The following CBX3 variants were observed in gnomAD, a reference collection of about 807,000 sequenced individuals.
The protein encoded by CBX3 is chromobox 3.
A neutral mutation model predicts 22.6 loss-of-function variants in CBX3; 5 were observed. That is an observed-to-expected ratio of 0.22 (90% CI 0.12 to 0.47). The LOEUF (loss-of-function observed/expected upper bound fraction) is 0.47, where lower values mean the gene tolerates loss of function less well. Among genes scored for constraint, CBX3 ranks in the 20% least tolerant of loss-of-function variants. CBX3 has a pLI of 0.99. For missense variants in CBX3, 83 were observed against 208.1 expected, an observed-to-expected ratio of 0.40 and a Z score of 3.70; for synonymous variants, 50 against 66.6, an observed-to-expected ratio of 0.75 and a Z score of 1.21.
intron 5 of CBX3, 22 bp from the exon 6 acceptor site, chr7:26,212,060 A>G: frequency 6.7e-7 from 1 of 1,495,854 alleles, no homozygotes; most frequent in Non-Finnish European, 8.9e-7. Context: ...TTGTAACTGA[A>G]TTTTTCTTTT....
chr7:26,206,063 C>G (rs774365886), intron 2 of CBX3: 11 of 249,520 alleles, frequency 4.4e-5, no homozygotes, highest in Non-Finnish European at 8.5e-5. Context: ...GCACTCCAGC[C>G]TGGGCGACAA....
chr7:26,205,163 A>G (rs927290932), intron 2 of CBX3, among the ~76,000 whole-genome samples: 1 of 152,010 alleles, frequency 6.6e-6, no homozygotes, highest in Non-Finnish European at 1.5e-5. Context: ...TAACCATTTC[A>G]GGGTTTTTTT....
chr7:26,204,894 G>A (rs3757668), intron 2 of CBX3, among the ~76,000 whole-genome samples: 36,496 of 152,060 alleles, frequency 0.24, 6,851 homozygotes, highest in East Asian at 0.53. Flanking sequence ...GGTTCAAGCA[G>A]TTCTCCTGCC....
intron 4 of CBX3, among the ~76,000 whole-genome samples, chr7:26,209,158 C>T (rs1043453651): frequency 1.3e-5 from 2 of 152,020 alleles, no homozygotes; most frequent in Admixed American, 6.6e-5. Context: ...CCACCCGCCT[C>T]GGCCTCCCAG....
In CBX3 at chr7:26,204,180, A is replaced by C. The variant is rs181537806; in HGVS notation, c.24+1158A>C. ...AAGAAAATAGTGAGCATTTGAAACT[A>C]GCTTATGAATGCCATAGTAGTGAAT... On this transcript the variant is annotated intron_variant, in intron 2 of 5. Coordinates refer to ENST00000396386, the MANE Select transcript of CBX3 (RefSeq NM_016587.4). 9.9e-5 allele frequency among the ~76,000 whole-genome samples: 15 copies of C among 152,190 alleles called. No individual in the cohort carries two copies. In the East Asian group the frequency reaches 2.9e-3, roughly 29 times the overall value.
intron 2 of CBX3, among the ~76,000 whole-genome samples, chr7:26,204,081 AAAT>A (rs1252519728): frequency 1.3e-5 from 2 of 152,220 alleles, no homozygotes. Context: ...AATTTCACTT[AAAT>A]AATGGGAAAT....
At chr7:26,203,480 T>A (rs1784599943) in intron 2 of CBX3, among the ~76,000 whole-genome samples, 1 of 152,234 alleles carries the variant, frequency 6.6e-6, no homozygotes, top group Non-Finnish European at 1.5e-5. Flanking sequence ...ATTACTTTGG[T>A]CACTTTATCT....
chr7:26,204,479 A>G (rs1358945741), intron 2 of CBX3, among the ~76,000 whole-genome samples: 3 of 152,212 alleles, frequency 2.0e-5, no homozygotes, highest in African/African-American at 4.8e-5. Context: ...AATGAGAATC[A>G]TAACACCTGA....
intron 2 of CBX3, chr7:26,206,124 C>A: frequency 2.6e-6 from 1 of 383,494 alleles, no homozygotes; most frequent in Non-Finnish European, 4.7e-6. Context: ...ATAACTGTTT[C>A]CAGATAGTGT....
rs143224601 is a variant in CBX3, at chr7:26,211,406, T to G, written c.331-256T>G. Among the ~76,000 whole-genome samples, 11 of 152,320 alleles carry G rather than the reference T, an allele frequency of 7.2e-5. No individual in the cohort carries two copies. The East Asian group carries it at 2.1e-3, about 29-fold the overall frequency. On this transcript the variant is annotated intron_variant, in intron 4 of 5. Transcript: ENST00000396386. ...CTGTATGCCCACACAACTCTGACTTTGGTGTCATTGAACGCAGTAATTTTC... is the reference window on the plus strand; with the variant it reads ...CTGTATGCCCACACAACTCTGACTTGGGTGTCATTGAACGCAGTAATTTTC...
chr7:26,211,053 T>C (rs912923077), intron 4 of CBX3, among the ~76,000 whole-genome samples: 9 of 148,302 alleles, frequency 6.1e-5, no homozygotes, highest in Middle Eastern at 7.1e-3. Context: ...TAAAATAGAC[T>C]TAATACCAAC....
Position 26,212,682 on chromosome 7 carries a change from A to G in CBX3, c.*474A>G, listed in dbSNP as rs1208863818. On this transcript the variant is annotated 3_prime_UTR_variant, in exon 6 of 6. Transcript: ENST00000396386. Reference sequence around the variant, plus strand: ...TCACCCAAACAAAAAAATCACAGGTAAACCCATGTTTCTGAGATGCCATTA... The same window carrying G: ...TCACCCAAACAAAAAAATCACAGGTGAACCCATGTTTCTGAGATGCCATTA... 1 of 152,282 alleles carries G rather than the reference A, an allele frequency of 6.6e-6. No homozygotes were observed. Among genetic ancestry groups the G allele is most frequent in the Non-Finnish European group, 1.5e-5 (1 of 68,054 alleles). 9.4% of individuals were successfully genotyped at this position (152,282 alleles called of 1,614,324 possible).
chr7:26,202,285 G>A (rs1784518033), intron 1 of CBX3: 1 of 152,120 alleles, frequency 6.6e-6, no homozygotes, highest in South Asian at 2.1e-4. Context: ...CGCGGGGGTA[G>A]GCGCGTGCGG....
intron 2 of CBX3, 126 bp from the exon 3 acceptor site, chr7:26,206,242 G>GTAGA: frequency 4.9e-6 from 3 of 616,446 alleles, no homozygotes; most frequent in South Asian, 2.1e-5. Context: ...TCCAGAAGGT[G>GTAGA]TCTGCCCTGG....
At chr7:26,204,799 GT>G (rs1156444636) in intron 2 of CBX3, among the ~76,000 whole-genome samples, 1 of 151,798 alleles carries the variant, frequency 6.6e-6, no homozygotes, top group African/African-American at 2.4e-5. Context: ...TTGTTTTTGT[GT>G]TTTTTTGAGA....
chr7:26,209,529 A>G (rs1356419676), intron 4 of CBX3, among the ~76,000 whole-genome samples: 1 of 152,156 alleles, frequency 6.6e-6, no homozygotes, highest in Non-Finnish European at 1.5e-5. Flanking sequence ...ATAGTCCATC[A>G]ATGGCATTGA....
intron 2 of CBX3, among the ~76,000 whole-genome samples, chr7:26,203,827 C>T (rs1331200434): frequency 3.3e-5 from 5 of 151,984 alleles, no homozygotes; most frequent in Non-Finnish European, 5.9e-5. Context: ...AAAAAGGGCA[C>T]GTTAGTGATT....
chr7:26,204,799 G>A (rs1233563586), intron 2 of CBX3, among the ~76,000 whole-genome samples: 1 of 151,800 alleles, frequency 6.6e-6, no homozygotes, highest in Non-Finnish European at 1.5e-5. Context: ...TTGTTTTTGT[G>A]TTTTTTTGAG....
At chr7:26,209,352 C>G (rs1429272551) in intron 4 of CBX3, among the ~76,000 whole-genome samples, 1 of 152,204 alleles carries the variant, frequency 6.6e-6, no homozygotes, top group Non-Finnish European at 1.5e-5. Flanking sequence ...GCTCATGCCA[C>G]TTAGGTTGTG....
Sources: allele counts gnomAD v4.1 joint callset (sites outside exome capture counted in the v4.1 genomes callset), GRCh38; gene constraint gnomAD v4.1.1; transcripts MANE v1.5; gene names NCBI Gene and HGNC (gene_info 2026-07-23, HGNC 2026-07-21).